DIAPH3: variants seen among roughly 807,000 people sequenced by gnomAD.
DIAPH3 encodes the protein diaphanous related formin 3.
In DIAPH3, 117 loss-of-function variants were observed where a neutral mutation model predicts 144.3. The ratio of observed to expected loss-of-function variants is 0.81; its 90% CI spans 0.70 to 0.95. The LOEUF is 0.95. Ranked by LOEUF, DIAPH3 falls within the 40% of genes least tolerant of loss-of-function variation. DIAPH3 has a pLI of 0.00. For synonymous variants in DIAPH3, 519 were observed against 488.9 expected (o/e 1.06, Z -0.81); for missense variants, 1,421 against 1,412.7 (o/e 1.01, Z -0.09).
intron 20 of DIAPH3, among the ~76,000 whole-genome samples, chr13:59,881,643 C>A (rs1041443272): frequency 1.3e-5 from 2 of 151,990 alleles, no homozygotes; most frequent in East Asian, 3.9e-4. Flanking sequence ...AAAAATATAA[C>A]CTAGATTTGT....
intron 17 of DIAPH3, among the ~76,000 whole-genome samples, chr13:59,933,521 A>G (rs1297948648): frequency 1.3e-5 from 2 of 152,226 alleles, no homozygotes; most frequent in Non-Finnish European, 2.9e-5. Flanking sequence ...CTGAAAGACT[A>G]GATTTTCTCA....
chr13:59,685,101 G>C (rs2033146422), intron 27 of DIAPH3, among the ~76,000 whole-genome samples: 1 of 152,046 alleles, frequency 6.6e-6, no homozygotes, highest in Non-Finnish European at 1.5e-5. Context: ...GAGTTATCAA[G>C]GTAAGAAATA....
chr13:59,747,220 T>A (rs2036751123), intron 27 of DIAPH3, among the ~76,000 whole-genome samples: 1 of 152,194 alleles, frequency 6.6e-6, no homozygotes, highest in African/African-American at 2.4e-5. Context: ...TCAGTATTAT[T>A]CGGGATGATC....
intron 22 of DIAPH3, among the ~76,000 whole-genome samples, chr13:59,846,180 A>G (rs341506): frequency 0.52 from 78,869 of 151,688 alleles, 22,065 homozygotes; most frequent in Non-Finnish European, 0.62. Flanking sequence ...CATGGCCTCT[A>G]TGATTTACTA....
At chr13:59,811,025 C>A (rs1424693828) in intron 24 of DIAPH3, 102 bp from the exon 25 acceptor site, 1 of 1,123,364 alleles carries the variant, frequency 8.9e-7, no homozygotes, top group Non-Finnish European at 1.3e-6. Flanking sequence ...ACATGATTAT[C>A]TTTTAGATAA....
At chr13:59,919,933 T>C (rs1302408977) in intron 18 of DIAPH3, among the ~76,000 whole-genome samples, 1 of 152,044 alleles carries the variant, frequency 6.6e-6, no homozygotes, top group African/African-American at 2.4e-5. Flanking sequence ...GTAAAATTAA[T>C]ATGTAGTTTT....
rs551238269 is a variant in DIAPH3 at position 59,710,226 on chromosome 13, C to T, written c.3320-43380G>A. On this transcript the variant is annotated intron_variant, in intron 27 of 27. Transcript: ENST00000400324. ...TAACCTGCACATTGTGCACATGTAC[C>T]CTAAAACTTAAAGTATAATAATAAT... 3.0e-5 allele frequency among the ~76,000 whole-genome samples: 4 copies of T among 133,956 alleles called. No homozygotes were observed. In the East Asian group the frequency reaches 8.7e-4, roughly 29 times the overall value. 87.9% of individuals were successfully genotyped at this position (133,956 alleles called of 152,430 possible). A position where few individuals can be genotyped will look rare whatever the true frequency, so the allele number is the denominator to read the frequency against.
intron 27 of DIAPH3, among the ~76,000 whole-genome samples, chr13:59,766,544 T>C (rs9528037): frequency 0.34 from 51,951 of 151,978 alleles, 9,363 homozygotes; most frequent in African/African-American, 0.44. Flanking sequence ...CATCCTTCCT[T>C]TGTAACTGTC....
intron 27 of DIAPH3, among the ~76,000 whole-genome samples, chr13:59,756,780 T>C (rs930891332): frequency 6.6e-6 from 1 of 152,170 alleles, no homozygotes; most frequent in Admixed American, 6.5e-5. Context: ...TGATTTTCAT[T>C]CACCTATTTC....
At chr13:59,937,518 T>C (rs2048322992) in intron 17 of DIAPH3, among the ~76,000 whole-genome samples, 2 of 152,308 alleles carry the variant, frequency 1.3e-5, no homozygotes, top group Admixed American at 1.3e-4. Context: ...CAATACATTA[T>C]ATTAACAAAC....
chr13:59,927,275 G>T (rs1229145384), intron 17 of DIAPH3, among the ~76,000 whole-genome samples: 1 of 152,024 alleles, frequency 6.6e-6, no homozygotes, highest in Non-Finnish European at 1.5e-5. Context: ...AATCCATTCA[G>T]CCAGTACATA....
intron 21 of DIAPH3, among the ~76,000 whole-genome samples, chr13:59,872,734 G>A (rs1002189147): frequency 2.6e-5 from 4 of 152,178 alleles, no homozygotes; most frequent in Non-Finnish European, 4.4e-5. Flanking sequence ...AATTAAACCA[G>A]GGATGGTAAT....
intron 17 of DIAPH3, 49 bp downstream of exon 17, chr13:59,969,895 G>A (rs2050257923): frequency 1.6e-6 from 2 of 1,219,586 alleles, no homozygotes; most frequent in Non-Finnish European, 2.3e-6. Context: ...AAAAGTATAT[G>A]TTAAAATTCT....
At chr13:59,738,572 T>C (rs2036280448) in intron 27 of DIAPH3, among the ~76,000 whole-genome samples, 1 of 152,154 alleles carries the variant, frequency 6.6e-6, no homozygotes. Context: ...CAAGACGGAT[T>C]TACCCTACTG....
chr13:60,153,151 A>G (rs1179090894), intron 1 of DIAPH3, among the ~76,000 whole-genome samples: 1 of 152,064 alleles, frequency 6.6e-6, no homozygotes, highest in African/African-American at 2.4e-5. Context: ...AAGCAACATC[A>G]TGACACAATA....
In DIAPH3 at chr13:60,008,490, T is replaced by G. The variant is rs17730585; in HGVS notation, c.1014+54A>C. The G allele has an allele frequency of 0.061, 73,174 of 1,202,448 alleles. 2,563 individuals are homozygous for G. The highest frequency in any genetic ancestry group is 0.13 in the Admixed American group (7,086 of 55,808). 74.5% of individuals were successfully genotyped at this position (1,202,448 alleles called of 1,614,324 possible). A position where few individuals can be genotyped will look rare whatever the true frequency, so the allele number is the denominator to read the frequency against. Reference sequence around the variant, plus strand: ...TTCATATAAACCAATCATAAAACCGTTAAAAGTAATATATGCCATTTAAAA... The same window carrying G: ...TTCATATAAACCAATCATAAAACCGGTAAAAGTAATATATGCCATTTAAAA... On this transcript the variant is annotated intron_variant, in intron 9 of 27. Coordinates refer to ENST00000400324, the MANE Select transcript of DIAPH3 (RefSeq NM_001042517.2).
chr13:59,899,799 G>C (rs2046331435), intron 20 of DIAPH3, among the ~76,000 whole-genome samples: 1 of 152,126 alleles, frequency 6.6e-6, no homozygotes, highest in Non-Finnish European at 1.5e-5. Flanking sequence ...TAAAACACAA[G>C]CAAAATTTTG....
chr13:59,858,597 C>CA (rs908695454), intron 22 of DIAPH3, among the ~76,000 whole-genome samples: 4 of 150,934 alleles, frequency 2.7e-5, no homozygotes, highest in African/African-American at 4.9e-5. Flanking sequence ...TACTCACCAA[C>CA]AAAAAAAAGT....
At chr13:59,731,903 C>T (rs1450275559) in intron 27 of DIAPH3, among the ~76,000 whole-genome samples, 1 of 152,130 alleles carries the variant, frequency 6.6e-6, no homozygotes, top group Non-Finnish European at 1.5e-5. Context: ...CTTTACTGAT[C>T]ATCTTTCTCA....
Sources: allele counts gnomAD v4.1 joint callset (sites outside exome capture counted in the v4.1 genomes callset), GRCh38; gene constraint gnomAD v4.1.1; transcripts MANE v1.5; gene names NCBI Gene and HGNC (gene_info 2026-07-23, HGNC 2026-07-21).